The following HEG1 variants were observed in gnomAD, a reference collection of about 807,000 sequenced individuals.
HEG1 encodes heart development protein with EGF like domains 1.
In HEG1, 56 loss-of-function variants were observed where a neutral mutation model predicts 125.6. That is an observed-to-expected ratio of 0.45 (90% confidence interval 0.36 to 0.56). The LOEUF (loss-of-function observed/expected upper bound fraction) is 0.56. HEG1 is among the 20% of genes least tolerant of loss of function. The pLI is 0.00. For missense variants in HEG1, 1,523 were observed against 1,670.0 expected (o/e 0.91, Z 1.53); for synonymous variants, 644 against 668.5 (o/e 0.96, Z 0.57).
At chr3:124,988,342 T>C (rs2107691077) in intron 14 of HEG1, among the ~76,000 whole-genome samples, 1 of 152,326 alleles carries the variant, frequency 6.6e-6, no homozygotes, top group South Asian at 2.1e-4. Flanking sequence ...CTGTTTTACA[T>C]AAGCCAAATC....
At chr3:125,004,610 C>T (rs1281444114) in intron 9 of HEG1, among the ~76,000 whole-genome samples, 1 of 152,080 alleles carries the variant, frequency 6.6e-6, no homozygotes, top group Non-Finnish European at 1.5e-5. Context: ...CCACCTCAGC[C>T]TCCTGAGTAG....
chr3:124,965,731 T>C lies in HEG1; in HGVS notation c.*4921A>G, dbSNP rs1466026711. ...ACAATGAAAATGATATTAATTTTAT[T>C]GCATCATTTTACTGACTAGAACGCC... On this transcript the variant is annotated 3_prime_UTR_variant, in exon 17 of 17. Coordinates refer to ENST00000311127, the MANE Select transcript of HEG1 (RefSeq NM_020733.2). The C allele has an allele frequency of 6.6e-6, 1 of 152,254 alleles. No homozygotes were observed. Among genetic ancestry groups the C allele is most frequent in the Non-Finnish European group, 1.5e-5 (1 of 68,048 alleles). 9.4% of individuals were successfully genotyped at this position (152,254 alleles called of 1,614,324 possible). A position where few individuals can be genotyped will look rare whatever the true frequency, so the allele number is the denominator to read the frequency against.
chr3:124,994,334 G>A (rs545275002), intron 12 of HEG1, among the ~76,000 whole-genome samples: 4 of 152,174 alleles, frequency 2.6e-5, no homozygotes, highest in Non-Finnish European at 4.4e-5. Flanking sequence ...ACCACAAACT[G>A]GTAGGGTTGG....
At chr3:125,029,667 A>G (rs1208556465) in intron 1 of HEG1, among the ~76,000 whole-genome samples, 179 bp from the exon 2 acceptor site, 1 of 152,210 alleles carries the variant, frequency 6.6e-6, no homozygotes, top group African/African-American at 2.4e-5. Flanking sequence ...AGGCGGGTGG[A>G]TCACCTGAGG....
intron 1 of HEG1, among the ~76,000 whole-genome samples, chr3:125,033,050 A>G (rs1450559526): frequency 6.6e-6 from 1 of 152,232 alleles, no homozygotes; most frequent in African/African-American, 2.4e-5. Context: ...GATGTAAGAA[A>G]GAAAAAATGC....
intron 12 of HEG1, among the ~76,000 whole-genome samples, chr3:124,992,502 A>T (rs1332400238): frequency 6.6e-6 from 1 of 152,188 alleles, no homozygotes; most frequent in Non-Finnish European, 1.5e-5. Context: ...GAATAAGAAA[A>T]GGTACAGAGT....
intron 1 of HEG1, among the ~76,000 whole-genome samples, chr3:125,041,445 T>A (rs564665264): frequency 6.6e-6 from 1 of 152,122 alleles, no homozygotes; most frequent in Non-Finnish European, 1.5e-5. Context: ...AAAGGAAGAA[T>A]GGAAAAGAAA....
Position 125,012,791 on chromosome 3 carries a change from T to C in HEG1, c.2788A>G (p.Lys930Glu), listed in dbSNP as rs1937175377. The change falls in exon 6 of 17, where the codon AAG becomes GAG. Residue 930 changes from lysine to glutamate, a missense_variant. By Grantham distance (56) the Lys-to-Glu change is moderately conservative. Transcript: ENST00000311127. Reference protein sequence around the residue: ...VPTSAKEMTTKLGVTAEYSPA... With the variant: ...VPTSAKEMTTELGVTAEYSPA... ...CTGTACTCTGCTGTAACGCCAAGCT[T>C]TGTGGTCATTTCTTTTGCTGATGTG... 3 of 1,613,896 alleles carry C rather than the reference T, an allele frequency of 1.9e-6. No individual in the cohort carries two copies. Among genetic ancestry groups the C allele is most frequent in the Non-Finnish European group, 1.7e-6 (2 of 1,179,890 alleles).
intron 1 of HEG1, among the ~76,000 whole-genome samples, chr3:125,036,570 G>T (rs1414405541): frequency 6.6e-6 from 1 of 152,174 alleles, no homozygotes; most frequent in Non-Finnish European, 1.5e-5. Flanking sequence ...GTAAATGTCT[G>T]CAGTGCCTGA....
chr3:124,986,462 A>T (rs1468868730), intron 14 of HEG1, among the ~76,000 whole-genome samples: 2 of 152,188 alleles, frequency 1.3e-5, no homozygotes, highest in Non-Finnish European at 2.9e-5. Flanking sequence ...GAGAGGGATG[A>T]ATTCCCAACT....
intron 5 of HEG1, among the ~76,000 whole-genome samples, chr3:125,015,210 G>T (rs572046465): frequency 6.6e-6 from 1 of 152,346 alleles, no homozygotes; most frequent in East Asian, 1.9e-4. Context: ...CAGCACAACT[G>T]TTCAGGCACC....
At chr3:125,018,178 C>T (rs1168318337) in intron 5 of HEG1, among the ~76,000 whole-genome samples, 1 of 152,184 alleles carries the variant, frequency 6.6e-6, no homozygotes, top group Non-Finnish European at 1.5e-5. Context: ...TGGTATATCC[C>T]TGCTACGGCA....
At chr3:125,045,075 C>T (rs554228431) in intron 1 of HEG1, among the ~76,000 whole-genome samples, 4 of 152,212 alleles carry the variant, frequency 2.6e-5, no homozygotes, top group Admixed American at 2.6e-4. Flanking sequence ...ATTAGTGGGA[C>T]CATTAGCAAG....
intron 15 of HEG1, among the ~76,000 whole-genome samples, chr3:124,975,039 A>T (rs1248292297): frequency 6.6e-6 from 1 of 152,178 alleles, no homozygotes; most frequent in Non-Finnish European, 1.5e-5. Flanking sequence ...CGCTCAGGTT[A>T]TGTCCCTCTA....
chr3:125,053,397 C>A (rs1937858215), intron 1 of HEG1, among the ~76,000 whole-genome samples: 1 of 152,100 alleles, frequency 6.6e-6, no homozygotes, highest in African/African-American at 2.4e-5. Flanking sequence ...CTGTTTGAGC[C>A]ACTACCAGAA....
At chr3:124,988,681 G>A (rs1013781827) in intron 14 of HEG1, among the ~76,000 whole-genome samples, 6 of 152,208 alleles carry the variant, frequency 3.9e-5, no homozygotes, top group African/African-American at 1.4e-4. Flanking sequence ...CACTTTGGGA[G>A]GCCGAGGTGG....
intron 1 of HEG1, among the ~76,000 whole-genome samples, chr3:125,034,536 G>T (rs541216422): frequency 5.3e-5 from 8 of 152,330 alleles, no homozygotes; most frequent in African/African-American, 1.9e-4. Flanking sequence ...GGTGGCTCAT[G>T]CCTGTAATTC....
In HEG1 at chr3:124,967,083, T is replaced by C. The variant is rs1214212721; in HGVS notation, c.*3569A>G. ...TCAGCCAACTTGACTGAACCACCTA[T>C]CAGCAATTTTGGCTCTAAATGTCTT... On this transcript the variant is annotated 3_prime_UTR_variant, in exon 17 of 17. Coordinates refer to ENST00000311127, the MANE Select transcript of HEG1 (RefSeq NM_020733.2). The C allele has an allele frequency of 2.6e-5, 4 of 152,236 alleles. No homozygotes were observed. Among genetic ancestry groups the C allele is most frequent in the Non-Finnish European group, 5.9e-5 (4 of 68,038 alleles). The allele number at this position is 152,236 out of a possible 1,614,324, so 9.4% of individuals were successfully genotyped here. A position where few individuals can be genotyped will look rare whatever the true frequency, so the allele number is the denominator to read the frequency against.
chr3:124,979,941 A>G (rs1936619629), intron 14 of HEG1, among the ~76,000 whole-genome samples: 1 of 152,246 alleles, frequency 6.6e-6, no homozygotes, highest in African/African-American at 2.4e-5. Context: ...TAAATAGCAC[A>G]GAAACCTGGC....
Sources: allele counts gnomAD v4.1 joint callset (sites outside exome capture counted in the v4.1 genomes callset), GRCh38; gene constraint gnomAD v4.1.1; transcripts MANE v1.5; gene names NCBI Gene and HGNC (gene_info 2026-07-23, HGNC 2026-07-21).